The following ROBO2 variants were observed in gnomAD, a reference collection of about 807,000 sequenced individuals.
ROBO2 encodes roundabout homolog 2.
A neutral mutation model predicts 160.8 loss-of-function variants in ROBO2; 53 were observed. That is an observed-to-expected ratio of 0.33 (90% CI 0.26 to 0.41). The LOEUF (loss-of-function observed/expected upper bound fraction) is 0.41, where lower values mean the gene tolerates loss of function less well. Ranked by LOEUF, ROBO2 falls within the 10% of genes least tolerant of loss-of-function variation. The probability of loss-of-function intolerance (pLI) is 1.00; values close to 1 mark genes in which losing one functional copy is unlikely to be tolerated. For missense variants in ROBO2, 1,577 were observed against 1,722.4 expected, an observed-to-expected ratio of 0.92 and a Z score of 1.49; for synonymous variants, 664 against 611.7, an observed-to-expected ratio of 1.09 and a Z score of -1.26.
chr3:76,213,940 T>C (rs1437330628), intron 2 of ROBO2, among the ~76,000 whole-genome samples: 2 of 152,122 alleles, frequency 1.3e-5, no homozygotes, highest in African/African-American at 4.8e-5. Context: ...ATGATATAGA[T>C]ATAGATATAC....
chr3:77,438,144 T>G (rs942073590), intron 2 of ROBO2, among the ~76,000 whole-genome samples: 1 of 139,582 alleles, frequency 7.2e-6, no homozygotes, highest in African/African-American at 2.5e-5. Flanking sequence ...AAAATGTGCT[T>G]GCACGCTCTC....
intron 2 of ROBO2, among the ~76,000 whole-genome samples, chr3:77,027,033 T>A (rs1379094517): frequency 6.6e-6 from 1 of 152,162 alleles, no homozygotes; most frequent in Non-Finnish European, 1.5e-5. Flanking sequence ...CTGCAACTTA[T>A]CAAACATTCA....
At position 76,756,455 on chromosome 3, in the gene ROBO2, G is replaced by A. The variant is rs150916632; in HGVS notation, c.110-341559G>A. 8.7e-3 allele frequency among the ~76,000 whole-genome samples: 1,317 copies of A among 151,902 alleles called. 13 individuals carry two copies. The highest frequency in any genetic ancestry group is 0.03 in the African/African-American group (1,253 of 41,494). On this transcript the variant is annotated intron_variant, in intron 2 of 26. Coordinates refer to the ROBO2 transcript ENST00000487694. ...CATTCCATTGCAGTGAGATTAGCAT[G>A]GATTTGGGGTGAAAAAGTAGTATAT... is the stretch of plus-strand genomic sequence containing the variant.
rs148755704 is a variant in ROBO2 at position 76,648,500 on chromosome 3, A to G, written c.110-449514A>G. 4.0e-3 allele frequency among the ~76,000 whole-genome samples: 607 copies of G among 152,282 alleles called. 1 individual carries two copies. The highest frequency in any genetic ancestry group is 0.019 in the South Asian group (90 of 4,818). On this transcript the variant is annotated intron_variant, in intron 2 of 26. Coordinates refer to the ROBO2 transcript ENST00000487694. ...TACAATGATTATCTAGGGTGGCCTGAATGTGGGCTGTCTATTCAATAATAG... is the reference window on the plus strand; with the variant it reads ...TACAATGATTATCTAGGGTGGCCTGGATGTGGGCTGTCTATTCAATAATAG...
intron 2 of ROBO2, among the ~76,000 whole-genome samples, chr3:77,321,720 G>C (rs191238759): frequency 6.6e-6 from 1 of 152,118 alleles, no homozygotes; most frequent in African/African-American, 2.4e-5. Flanking sequence ...TGCCAAGAAT[G>C]AGCTATAATT....
intron 2 of ROBO2, among the ~76,000 whole-genome samples, chr3:76,836,291 A>G (rs1017665056): frequency 6.6e-6 from 1 of 151,902 alleles, no homozygotes; most frequent in Non-Finnish European, 1.5e-5. Context: ...CCCACATCAG[A>G]TATTCAATTT....
In ROBO2 at chr3:77,502,765, T is replaced by A. The variant is rs73845108; in HGVS notation, c.806+9383T>A. Among the ~76,000 whole-genome samples, 522 of 152,320 alleles carry A rather than the reference T, an allele frequency of 3.4e-3. 3 individuals carry two copies. The highest frequency in any genetic ancestry group is 0.012 in the African/African-American group (499 of 41,582). On this transcript the variant is annotated intron_variant, in intron 5 of 25. Coordinates refer to ENST00000461745, the Ensembl canonical transcript of ROBO2. ...TATGATAATCTACGATGATTTAAAGTTGCAGGAGGATGTACATAGGTTATA... is the reference window on the plus strand; with the variant it reads ...TATGATAATCTACGATGATTTAAAGATGCAGGAGGATGTACATAGGTTATA...
intron 2 of ROBO2, among the ~76,000 whole-genome samples, chr3:77,408,426 T>A (rs1020546846): frequency 6.6e-6 from 1 of 152,216 alleles, no homozygotes; most frequent in African/African-American, 2.4e-5. Flanking sequence ...CATAATAGAA[T>A]CTGTACTCTT....
intron 17 of ROBO2, among the ~76,000 whole-genome samples, chr3:77,593,607 G>A (rs1397189208): frequency 6.6e-6 from 1 of 152,130 alleles, no homozygotes; most frequent in Non-Finnish European, 1.5e-5. Flanking sequence ...ATGCTTTACT[G>A]TCTCATGAAG....
rs1167852972 is a variant in ROBO2 at position 76,049,403 on chromosome 3, A to ATTTTTTTTTTT, written c.109+111812_109+111822dup. Among the ~76,000 whole-genome samples, 193 of 53,740 alleles carry ATTTTTTTTTTT rather than the reference A, an allele frequency of 3.6e-3. 2 individuals are homozygous for ATTTTTTTTTTT. Among genetic ancestry groups the ATTTTTTTTTTT allele is most frequent in the African/African-American group, 9.6e-3 (66 of 6,852 alleles). 35.3% of individuals were successfully genotyped at this position (53,740 alleles called of 152,430 possible). On this transcript the variant is annotated intron_variant, in intron 2 of 26. Transcript: ENST00000487694. ...TTTTAGTATATATATATATATATATATTTTTTTTTTTTTTTTTTTTTGTAG... is the reference window on the plus strand; with the variant it reads ...TTTTAGTATATATATATATATATATATTTTTTTTTTTTTTTTTTTTTTTTTTTTTTTTGTAG...
intron 2 of ROBO2, among the ~76,000 whole-genome samples, chr3:77,323,182 A>C (rs1240840124): frequency 6.6e-6 from 1 of 150,564 alleles, no homozygotes; most frequent in Admixed American, 6.7e-5. Context: ...GACTCCCTCC[A>C]TGTCCATAAA....
chr3:77,447,634 T>C (rs1330789000), intron 2 of ROBO2, among the ~76,000 whole-genome samples: 1 of 152,152 alleles, frequency 6.6e-6, no homozygotes, highest in Non-Finnish European at 1.5e-5. Context: ...TTTATATTTA[T>C]ATAAGTTCTG....
rs934817368 is a variant in ROBO2, at chr3:77,001,609, A to G, written c.110-96405A>G. 4.6e-5 allele frequency among the ~76,000 whole-genome samples: 7 copies of G among 152,158 alleles called. No individual in the cohort carries two copies. The South Asian group carries it at 1.4e-3, about 31-fold the overall frequency. On this transcript the variant is annotated intron_variant, in intron 2 of 26. Transcript: ENST00000487694. ...ATTGTAACTTCTCCATTTCATAAAC[A>G]TCATCCTGTTTCAAATCTATGATTC...
At chr3:76,948,890 ATATATATATATATATATATTT>A (rs1237769680) in intron 2 of ROBO2, among the ~76,000 whole-genome samples, 384 of 26,338 alleles carry the variant, frequency 0.015, 3 homozygotes, top group African/African-American at 0.044. Flanking sequence ...ATATATATAT[ATATATATATATATATATATTT>A]TTTTTTTTTT....
intron 2 of ROBO2, among the ~76,000 whole-genome samples, chr3:77,014,774 G>T (rs2062134459): frequency 6.7e-6 from 1 of 149,082 alleles, no homozygotes; most frequent in Non-Finnish European, 1.5e-5. Context: ...ATGGCCATTT[G>T]CAAGAGAGAG....
At chr3:77,107,846 A>G (rs577176122) in intron 2 of ROBO2, among the ~76,000 whole-genome samples, 2 of 152,310 alleles carry the variant, frequency 1.3e-5, no homozygotes, top group Admixed American at 6.5e-5. Flanking sequence ...ACGTTACAGT[A>G]TCTATATATG....
At chr3:77,272,169 A>G (rs2059533942) in intron 2 of ROBO2, among the ~76,000 whole-genome samples, 1 of 152,218 alleles carries the variant, frequency 6.6e-6, no homozygotes, top group South Asian at 2.1e-4. Context: ...TTGATGAACT[A>G]GTTTAAGATA....
At chr3:76,737,425 TC>T (rs1470980161) in intron 2 of ROBO2, among the ~76,000 whole-genome samples, 5 of 152,110 alleles carry the variant, frequency 3.3e-5, no homozygotes, top group African/African-American at 7.2e-5. Context: ...AGAATTGGAA[TC>T]CAACAATAGG....
chr3:76,240,893 T>C (rs889794052), intron 2 of ROBO2, among the ~76,000 whole-genome samples: 3 of 152,210 alleles, frequency 2.0e-5, no homozygotes, highest in Non-Finnish European at 2.9e-5. Context: ...ACTTAGTAAA[T>C]GAGAAAGGTA....
Sources: allele counts gnomAD v4.1 joint callset (sites outside exome capture counted in the v4.1 genomes callset), GRCh38; gene constraint gnomAD v4.1.1; transcripts MANE v1.5; gene names NCBI Gene and HGNC (gene_info 2026-07-23, HGNC 2026-07-21).